The following ACOXL variants were observed in gnomAD, a reference collection of about 807,000 sequenced individuals.
ACOXL encodes the protein acyl-CoA oxidase like, also known as acyl-coenzyme A oxidase-like protein.
A neutral mutation model predicts 71.9 loss-of-function variants in ACOXL; 70 were observed. The ratio of observed to expected loss-of-function variants is 0.97; its 90% CI spans 0.80 to 1.19. ACOXL has a LOEUF of 1.19. Ranked by LOEUF, ACOXL falls within the 50% of genes most tolerant of loss-of-function variation. The pLI is 0.00. For missense variants in ACOXL, 703 were observed against 736.3 expected (o/e 0.95, Z 0.52); for synonymous variants, 253 against 281.6 (o/e 0.90, Z 1.02).
intron 16 of ACOXL, among the ~76,000 whole-genome samples, chr2:111,090,462 A>G (rs1574731073): frequency 6.6e-6 from 1 of 152,128 alleles, no homozygotes; most frequent in African/African-American, 2.4e-5. Context: ...CAGGACTCCT[A>G]TTTACCAGGA....
chr2:110,976,207 A>G (rs1460426553), intron 12 of ACOXL, among the ~76,000 whole-genome samples: 1 of 152,162 alleles, frequency 6.6e-6, no homozygotes, highest in Non-Finnish European at 1.5e-5. Flanking sequence ...TTGACCACAG[A>G]CCTCTCAAGC....
chr2:110,963,389 T>C (rs1299234163), intron 12 of ACOXL, among the ~76,000 whole-genome samples: 1 of 152,222 alleles, frequency 6.6e-6, no homozygotes, highest in Non-Finnish European at 1.5e-5. Flanking sequence ...CAAATAGTTT[T>C]TACTACCACC....
At chr2:110,860,597 C>T (rs1364748742) in intron 10 of ACOXL, among the ~76,000 whole-genome samples, 4 of 152,142 alleles carry the variant, frequency 2.6e-5, no homozygotes, top group African/African-American at 4.8e-5. Flanking sequence ...TACTGGTCTT[C>T]GGGAAAAGAT....
intron 10 of ACOXL, among the ~76,000 whole-genome samples, chr2:110,870,253 A>T (rs1283592710): frequency 6.6e-6 from 1 of 151,094 alleles, no homozygotes; most frequent in Non-Finnish European, 1.5e-5. Flanking sequence ...TTTGTGGAAG[A>T]CTCTTTAGGC....
chr2:111,057,752 A>C (rs1278866305), intron 16 of ACOXL, among the ~76,000 whole-genome samples: 1 of 152,242 alleles, frequency 6.6e-6, no homozygotes, highest in East Asian at 1.9e-4. Context: ...CAAGCTCTAC[A>C]TGTGCCCGAC....
rs747071868 is a variant in ACOXL at position 111,117,803 on chromosome 2, G to C, written c.1730G>C (p.Gly577Ala). 1.9e-6 allele frequency: 3 copies of C among 1,549,200 alleles called. No homozygotes were observed. Among genetic ancestry groups the C allele is most frequent in the African/African-American group, 2.7e-5 (2 of 73,022 alleles). ...GCGCGCTCCCGGCGGCCCAAGCTGGGAGCCAAGCTCTAACGGGTGTGGCGG... is the reference window on the plus strand; with the variant it reads ...GCGCGCTCCCGGCGGCCCAAGCTGGCAGCCAAGCTCTAACGGGTGTGGCGG... ...EEARSRRPKL[G>A]AKL The change falls in exon 18 of 18, where the codon GGA becomes GCA. Residue 577 changes from glycine (G) to alanine (A), a missense_variant. By Grantham distance (60) the Gly-to-Ala change is moderately conservative. Coordinates refer to ENST00000439055, the MANE Select transcript of ACOXL (RefSeq NM_001142807.4).
chr2:110,937,869 C>A (rs2060723873), intron 12 of ACOXL, among the ~76,000 whole-genome samples: 1 of 152,184 alleles, frequency 6.6e-6, no homozygotes, highest in African/African-American at 2.4e-5. Context: ...AACAAACCTT[C>A]CCTTGTAGAG....
intron 17 of ACOXL, among the ~76,000 whole-genome samples, chr2:111,116,380 A>G (rs1369611474): frequency 6.6e-6 from 1 of 152,194 alleles, no homozygotes; most frequent in African/African-American, 2.4e-5. Context: ...TTTTCAGGGA[A>G]GATGTATTGT....
At position 110,798,705 on chromosome 2, in the gene ACOXL, C is replaced by G. The variant is rs781479816; in HGVS notation, c.441C>G (p.Ile147Met). Residue 147 changes from isoleucine (I) to methionine (M), a missense_variant, in exon 6 of 18, where the codon ATC (isoleucine) becomes ATG (methionine). Ile to Met is a conservative substitution (Grantham distance 10, BLOSUM62 1). Transcript: ENST00000439055. ...GNYAAVFAQL[I>M]IDGRSQGPHC... The stretch of plus-strand genomic sequence containing the variant: ...ATGCAGCTGTCTTTGCCCAGCTCAT[C>G]ATAGATGGAAGATCTCAAGGTTTGT... The G allele has an allele frequency of 3.7e-6, 6 of 1,614,060 alleles. No individual in the cohort carries two copies. Among genetic ancestry groups the G allele is most frequent in the South Asian group, 1.1e-5 (1 of 91,076 alleles).
intron 17 of ACOXL, among the ~76,000 whole-genome samples, chr2:111,110,843 A>G (rs1365875796): frequency 6.6e-6 from 1 of 152,212 alleles, no homozygotes; most frequent in African/African-American, 2.4e-5. Context: ...ATCTATCTAC[A>G]TTTTAACTAG....
intron 16 of ACOXL, among the ~76,000 whole-genome samples, chr2:111,084,246 A>G (rs900131141): frequency 1.4e-5 from 2 of 146,404 alleles, no homozygotes; most frequent in African/African-American, 5.1e-5. Flanking sequence ...TTACGGACAC[A>G]GATCTAAGGA....
chr2:111,110,755 T>G (rs1458507884), intron 17 of ACOXL, among the ~76,000 whole-genome samples: 2 of 152,238 alleles, frequency 1.3e-5, no homozygotes, highest in Non-Finnish European at 2.9e-5. Flanking sequence ...ATAGTGCTTT[T>G]CAGTAGCCCC....
chr2:110,736,196 C>T (rs1431639531), intron 1 of ACOXL, among the ~76,000 whole-genome samples: 3 of 152,184 alleles, frequency 2.0e-5, no homozygotes, highest in Non-Finnish European at 2.9e-5. Context: ...ATGTTTCCTC[C>T]TACAGCCATT....
At chr2:110,958,950 A>G (rs1159994256) in intron 12 of ACOXL, among the ~76,000 whole-genome samples, 1 of 152,198 alleles carries the variant, frequency 6.6e-6, no homozygotes, top group Non-Finnish European at 1.5e-5. Context: ...CCTGTGGCAA[A>G]AATAGACTTG....
chr2:110,759,559 G>T (rs1381517450), intron 1 of ACOXL, among the ~76,000 whole-genome samples: 1 of 151,992 alleles, frequency 6.6e-6, no homozygotes, highest in Non-Finnish European at 1.5e-5. Context: ...TTGAGCCCAT[G>T]TGTGTCTTTG....
rs760434214 is a variant in ACOXL at position 110,798,653 on chromosome 2, A to G, written c.389A>G (p.Tyr130Cys). ...DTPCENAEKM[Y>C]IGNAMYGNYA... ...CCGTGTGAAAATGCGGAGAAGATGTATATTGGAAATGCCATGTACGGGAAT... is the reference window on the plus strand; with the variant it reads ...CCGTGTGAAAATGCGGAGAAGATGTGTATTGGAAATGCCATGTACGGGAAT... The change falls in exon 6 of 18, where the codon TAT becomes TGT. Residue 130 changes from tyrosine to cysteine, a missense_variant. By Grantham distance (194) the Tyr-to-Cys change is radical. Coordinates refer to ENST00000439055, the MANE Select transcript of ACOXL (RefSeq NM_001142807.4). 7.4e-6 allele frequency: 12 copies of G among 1,614,150 alleles called. No homozygotes were observed. The highest frequency in any genetic ancestry group is 6.7e-5 in the Admixed American group (4 of 60,012).
intron 12 of ACOXL, among the ~76,000 whole-genome samples, chr2:110,978,920 A>C (rs767772738): frequency 6.6e-6 from 1 of 152,192 alleles, no homozygotes; most frequent in Non-Finnish European, 1.5e-5. Context: ...CACAAGTAAC[A>C]TGTATTCCAG....
intron 16 of ACOXL, among the ~76,000 whole-genome samples, chr2:111,056,436 C>T (rs192356318): frequency 2.6e-5 from 4 of 152,166 alleles, no homozygotes; most frequent in Admixed American, 1.3e-4. Flanking sequence ...TCCTAATGAG[C>T]TTCAGTTTTG....
At chr2:110,968,790 AAAAG>A in intron 12 of ACOXL, 1 of 443,422 alleles carries the variant, frequency 2.3e-6, no homozygotes, top group Non-Finnish European at 3.9e-6. Flanking sequence ...AAAAAAAAAA[AAAAG>A]AACTGAAAAA....
Sources: allele counts gnomAD v4.1 joint callset (sites outside exome capture counted in the v4.1 genomes callset), GRCh38; gene constraint gnomAD v4.1.1; transcripts MANE v1.5; gene names NCBI Gene and HGNC (gene_info 2026-07-23, HGNC 2026-07-21).